PLCB1: variants seen among roughly 807,000 people sequenced by gnomAD.
PLCB1 encodes the protein 1-phosphatidylinositol 4,5-bisphosphate phosphodiesterase beta-1.
In PLCB1, 46 loss-of-function variants were observed where a neutral mutation model predicts 161.8. That is an observed-to-expected ratio of 0.28 (90% CI 0.22 to 0.36). PLCB1 has a LOEUF of 0.36. Among genes scored for constraint, PLCB1 ranks in the 10% least tolerant of loss-of-function variants. The pLI, the probability that PLCB1 is intolerant of heterozygous loss-of-function variation, is 1.00. For synonymous variants in PLCB1, 517 were observed against 503.7 expected (o/e 1.03, Z -0.35); for missense variants, 1,016 against 1,472.5 (o/e 0.69, Z 5.07).
chr20:8,376,060 G>T (rs892521508), intron 3 of PLCB1, among the ~76,000 whole-genome samples: 1 of 151,948 alleles, frequency 6.6e-6, no homozygotes. Flanking sequence ...AAGCATTCTA[G>T]GATTGCTTTT....
chr20:8,822,663 C>A (rs1247375682), intron 31 of PLCB1, among the ~76,000 whole-genome samples: 1 of 152,172 alleles, frequency 6.6e-6, no homozygotes, highest in African/African-American at 2.4e-5. Context: ...AAACACAAGT[C>A]CCTGGATTAG....
intron 2 of PLCB1, among the ~76,000 whole-genome samples, chr20:8,308,806 A>G (rs1984254716): frequency 6.6e-6 from 1 of 151,866 alleles, no homozygotes; most frequent in Non-Finnish European, 1.5e-5. Flanking sequence ...ATAACTCTTA[A>G]ATAAGTGTAA....
intron 31 of PLCB1, among the ~76,000 whole-genome samples, chr20:8,799,113 T>TC (rs1347226715): frequency 1.3e-5 from 2 of 152,182 alleles, no homozygotes; most frequent in African/African-American, 2.4e-5. Flanking sequence ...CGTTGATTCC[T>TC]CCCCCTTTTC....
At chr20:8,847,230 T>C (rs1222840556) in intron 31 of PLCB1, among the ~76,000 whole-genome samples, 3 of 152,132 alleles carry the variant, frequency 2.0e-5, no homozygotes, top group Admixed American at 2.0e-4. Flanking sequence ...TTCCTAATAT[T>C]TGCAGGATCT....
intron 3 of PLCB1, among the ~76,000 whole-genome samples, chr20:8,424,258 T>C (rs991854497): frequency 1.4e-4 from 22 of 152,094 alleles, no homozygotes; most frequent in Non-Finnish European, 1.0e-4. Flanking sequence ...CTGAAAAATA[T>C]GTTGTGGTGA....
intron 7 of PLCB1, among the ~76,000 whole-genome samples, chr20:8,653,839 T>A (rs564162380): frequency 6.6e-6 from 1 of 152,132 alleles, no homozygotes; most frequent in Admixed American, 6.6e-5. Context: ...TGTGACCTCA[T>A]CACACCCATT....
chr20:8,468,638 T>TTA (rs1981919707), intron 3 of PLCB1, among the ~76,000 whole-genome samples: 2 of 152,198 alleles, frequency 1.3e-5, no homozygotes, highest in Non-Finnish European at 1.5e-5. Flanking sequence ...ATCCTGCTGT[T>TTA]TAGACAGATG....
chr20:8,191,320 G>C (rs918064221), intron 2 of PLCB1, among the ~76,000 whole-genome samples: 56 of 152,024 alleles, frequency 3.7e-4, no homozygotes, highest in African/African-American at 1.0e-3. Context: ...GTAAGATCAA[G>C]ACAATGAACA....
chr20:8,673,189 C>T (rs1317464199), intron 9 of PLCB1, among the ~76,000 whole-genome samples: 1 of 151,538 alleles, frequency 6.6e-6, no homozygotes, highest in Non-Finnish European at 1.5e-5. Flanking sequence ...AAAGTGAGAG[C>T]CTATTAAATT....
chr20:8,716,384 A>T, intron 13 of PLCB1, 36 bp downstream of exon 13: 1 of 1,435,938 alleles, frequency 7.0e-7, no homozygotes, highest in Non-Finnish European at 9.8e-7. Flanking sequence ...GAAGGAATGT[A>T]TGCATTATTG....
At chr20:8,601,823 A>C (rs6086531) in intron 3 of PLCB1, among the ~76,000 whole-genome samples, 5,635 of 152,290 alleles carry the variant, frequency 0.037, 186 homozygotes, top group African/African-American at 0.089. Flanking sequence ...CCAAGTTTGC[A>C]ATGGAAAATT....
chr20:8,314,175 G>T (rs2122133410), intron 2 of PLCB1, among the ~76,000 whole-genome samples: 1 of 152,238 alleles, frequency 6.6e-6, no homozygotes, highest in Admixed American at 6.5e-5. Context: ...CTGTCTTGGA[G>T]AATTATATAA....
At chr20:8,630,011 T>TTTCTTTCTTC in intron 4 of PLCB1, among the ~76,000 whole-genome samples, 1 of 86,888 alleles carries the variant, frequency 1.2e-5, no homozygotes, top group Non-Finnish European at 2.2e-5. Flanking sequence ...TCTTTCTTTC[T>TTTCTTTCTTC]CTTTCTTCTT....
At chr20:8,251,231 C>T (rs1981123089) in intron 2 of PLCB1, among the ~76,000 whole-genome samples, 1 of 151,884 alleles carries the variant, frequency 6.6e-6, no homozygotes, top group Admixed American at 6.6e-5. Context: ...TCCCAAAGGC[C>T]CTACCTCTTA....
intron 2 of PLCB1, among the ~76,000 whole-genome samples, chr20:8,288,334 A>G (rs147952058): frequency 1.3e-5 from 2 of 152,332 alleles, no homozygotes; most frequent in African/African-American, 4.8e-5. Flanking sequence ...AATTCTGGAA[A>G]GAAGAGGAGA....
intron 2 of PLCB1, among the ~76,000 whole-genome samples, chr20:8,358,913 T>TTCAGGCTTTTTC (rs1986451057): frequency 6.6e-6 from 1 of 152,194 alleles, no homozygotes; most frequent in African/African-American, 2.4e-5. Flanking sequence ...GCTTCCACCT[T>TTCAGGCTTTTTC]TCAGGCTTTT....
intron 3 of PLCB1, among the ~76,000 whole-genome samples, chr20:8,557,952 T>C (rs1211353352): frequency 6.6e-6 from 1 of 151,826 alleles, no homozygotes; most frequent in African/African-American, 2.4e-5. Flanking sequence ...AGCACAGATA[T>C]TGGATCTACT....
intron 1 of PLCB1, among the ~76,000 whole-genome samples, chr20:8,141,508 G>A (rs891718863): frequency 4.6e-5 from 7 of 151,094 alleles, no homozygotes; most frequent in African/African-American, 1.5e-4. Flanking sequence ...CTGTAATCCC[G>A]ACCACTCGAG....
intron 9 of PLCB1, among the ~76,000 whole-genome samples, chr20:8,664,076 A>AT (rs1989752074): frequency 1.3e-5 from 2 of 152,248 alleles, no homozygotes; most frequent in South Asian, 2.1e-4. Flanking sequence ...GAAAGCAGTA[A>AT]TTTTTTTCAT....
Sources: allele counts gnomAD v4.1 joint callset (sites outside exome capture counted in the v4.1 genomes callset), GRCh38; gene constraint gnomAD v4.1.1; transcripts MANE v1.5; gene names NCBI Gene and HGNC (gene_info 2026-07-23, HGNC 2026-07-21).